Variants in ANK3 observed in about 807,000 individuals in gnomAD.
The protein encoded by ANK3 is ankyrin 3, also known as ankyrin-3.
In ANK3, 57 loss-of-function variants were observed where a neutral mutation model predicts 370.9. That is an observed-to-expected ratio of 0.15 (90% CI 0.12 to 0.19). The LOEUF (loss-of-function observed/expected upper bound fraction) is 0.19, where lower values mean the gene tolerates loss of function less well. Ranked by LOEUF, ANK3 falls within the 10% of genes least tolerant of loss-of-function variation. The pLI is 1.00. For missense variants in ANK3, 4,439 were observed against 5,302.1 expected (o/e 0.84, Z 5.06); for synonymous variants, 1,929 against 1,946.3 (o/e 0.99, Z 0.23).
At chr10:60,469,655 G>A (rs1388432863) in intron 2 of ANK3, among the ~76,000 whole-genome samples, 13 of 3,464 alleles carry the variant, frequency 3.8e-3, no homozygotes, top group East Asian at 0.026. Flanking sequence ...ATATATATAT[G>A]GTGGTATATA....
chr10:60,226,797 A>G (rs1170263348), intron 8 of ANK3, among the ~76,000 whole-genome samples: 1 of 147,450 alleles, frequency 6.8e-6, no homozygotes, highest in Non-Finnish European at 1.5e-5. Flanking sequence ...CACTTTATGT[A>G]TAACAAGAAT....
chr10:60,668,826 T>C (rs533760669), intron 1 of ANK3, among the ~76,000 whole-genome samples: 1 of 152,228 alleles, frequency 6.6e-6, no homozygotes, highest in African/African-American at 2.4e-5. Context: ...ACCTCATCTC[T>C]ACTAATAAAT....
At chr10:60,693,543 C>T (rs987850076) in intron 1 of ANK3, among the ~76,000 whole-genome samples, 10 of 152,244 alleles carry the variant, frequency 6.6e-5, no homozygotes, top group African/African-American at 2.2e-4. Flanking sequence ...CAGTATGCAG[C>T]TGGAGATCTG....
intron 2 of ANK3, among the ~76,000 whole-genome samples, chr10:60,588,405 G>A (rs1234702116): frequency 2.0e-5 from 3 of 151,356 alleles, no homozygotes; most frequent in African/African-American, 7.3e-5. Flanking sequence ...GGCTGGTCTC[G>A]AACTCCTGAC....
At chr10:60,294,342 C>T (rs1242591646) in intron 1 of ANK3, among the ~76,000 whole-genome samples, 2 of 152,050 alleles carry the variant, frequency 1.3e-5, no homozygotes, top group East Asian at 3.9e-4. Context: ...GGTTTAAAAG[C>T]CCAGAGGAGT....
chr10:60,267,660 A>G (rs1269917235), intron 5 of ANK3, among the ~76,000 whole-genome samples: 2 of 152,070 alleles, frequency 1.3e-5, no homozygotes, highest in Admixed American at 6.5e-5. Flanking sequence ...GAGCTCTGAG[A>G]GTTACTGGTA....
Position 60,733,247 on chromosome 10 carries a change from G to C in ANK3, c.57+16C>G, listed in dbSNP as rs1021074992. 3.2e-6 allele frequency: 4 copies of C among 1,240,724 alleles called. No individual in the cohort carries two copies. In the East Asian group the frequency reaches 1.3e-4, roughly 39 times the overall value. 76.9% of individuals were successfully genotyped at this position (1,240,724 alleles called of 1,614,324 possible). On this transcript the variant is annotated intron_variant, in intron 1 of 43. Coordinates refer to the ANK3 transcript ENST00000373827. ...GGTGAAGGCAGCCGCAGGTAGGGGGGCGGCGCGGCGCTCACCTGGGCAGGA... is the reference window on the plus strand; with the variant it reads ...GGTGAAGGCAGCCGCAGGTAGGGGGCCGGCGCGGCGCTCACCTGGGCAGGA...
intron 23 of ANK3, among the ~76,000 whole-genome samples, chr10:60,147,179 G>A (rs143850730): frequency 6.6e-6 from 1 of 152,274 alleles, no homozygotes; most frequent in East Asian, 1.9e-4. Context: ...CCTGCATGTA[G>A]CCCAGGAACT....
chr10:60,187,782 G>T (rs551498732), intron 16 of ANK3, among the ~76,000 whole-genome samples: 1 of 152,134 alleles, frequency 6.6e-6, no homozygotes, highest in South Asian at 2.1e-4. Flanking sequence ...CTTCATGCTG[G>T]TCTGTCATCC....
chr10:60,414,768 G>C (rs1298572973), intron 2 of ANK3, among the ~76,000 whole-genome samples: 1 of 152,154 alleles, frequency 6.6e-6, no homozygotes, highest in Non-Finnish European at 1.5e-5. Flanking sequence ...TAAAAAGTTG[G>C]TGGCAGCTAC....
At chr10:60,298,369 A>G (rs1236888847) in intron 1 of ANK3, among the ~76,000 whole-genome samples, 2 of 152,220 alleles carry the variant, frequency 1.3e-5, no homozygotes, top group African/African-American at 2.4e-5. Context: ...ATTATCTACT[A>G]TACCCTCTTT....
chr10:60,276,622 G>A (rs771956514), intron 4 of ANK3, among the ~76,000 whole-genome samples: 15 of 152,166 alleles, frequency 9.9e-5, no homozygotes, highest in Non-Finnish European at 1.5e-4. Context: ...TGTGGAATGC[G>A]TATAAATTGA....
At chr10:60,345,058 A>G (rs2055124295) in intron 1 of ANK3, among the ~76,000 whole-genome samples, 1 of 149,308 alleles carries the variant, frequency 6.7e-6, no homozygotes, top group African/African-American at 2.5e-5. Context: ...TTGCTGCATA[A>G]AGCTCAAAAT....
rs1198867491 is a variant in ANK3, at chr10:60,200,196, C to T, written c.1424G>A (p.Arg475His). The T allele has an allele frequency of 2.5e-6, 4 of 1,614,092 alleles. No individual in the cohort carries two copies. Among genetic ancestry groups the T allele is most frequent in the Non-Finnish European group, 3.4e-6 (4 of 1,180,018 alleles). Residue 475 changes from arginine to histidine, a missense_variant, in exon 13 of 44, where the codon CGC becomes CAC. This residue lies in a region of ANK3 where 227 missense variants were observed against 377.6 expected (regional missense o/e 0.60). Transcript: ENST00000280772. ...CCGCACAACTTCAGCTTGGCCGGAG[C>T]GAGCTGCCATGTGCAGTGCTGTTTC... ...RGETALHMAA[R>H]SGQAEVVRYL...
chr10:60,311,474 CA>C (rs57897005), intron 1 of ANK3, among the ~76,000 whole-genome samples: 11,479 of 125,160 alleles, frequency 0.092, 402 homozygotes, highest in Non-Finnish European at 0.13. Flanking sequence ...ATATGGAAGC[CA>C]AAAAAAAAAA....
chr10:60,388,243 A>C (rs945862422), intron 1 of ANK3, among the ~76,000 whole-genome samples: 1 of 152,232 alleles, frequency 6.6e-6, no homozygotes, highest in African/African-American at 2.4e-5. Context: ...CTTGCAGTGA[A>C]ACAACTGCAG....
At position 60,172,372 on chromosome 10, in the gene ANK3, C is replaced by T. The variant is rs1460956964; in HGVS notation, c.2414G>A (p.Arg805His). ...NGNTALGIARRLGYISVVDTL... is the reference protein window; with the variant it reads ...NGNTALGIARHLGYISVVDTL... ...GTCCACTACTGAGATGTAGCCGAGG[C>T]GCCGGGCAATGCCAAGGGCAGTATT... The change falls in exon 21 of 44, where the codon CGC (arginine) becomes CAC (histidine). Residue 805 changes from arginine to histidine, a missense_variant. Arg to His is a conservative substitution (Grantham distance 29). This residue lies in a region of ANK3 where 702 missense variants were observed against 941.5 expected (regional missense o/e 0.75). Coordinates refer to ENST00000280772, the MANE Select transcript of ANK3 (RefSeq NM_020987.5). The T allele has an allele frequency of 2.5e-5, 40 of 1,613,992 alleles. No homozygotes were observed. The Admixed American group carries it at 3.7e-4, about 15-fold the overall frequency.
rs752834101 is a variant in ANK3, at chr10:60,075,716, G to A, written c.5165C>T (p.Pro1722Leu). The change falls in exon 37 of 44, where the codon CCT (proline) becomes CTT (leucine). Residue 1722 changes from proline (P) to leucine (L), a missense_variant. Transcript: ENST00000280772. ...AGTTGAGGATGATGGATATTTTAGAGGGGAAATAGATCCATTGACTAATGC... is the reference window on the plus strand; with the variant it reads ...AGTTGAGGATGATGGATATTTTAGAAGGGAAATAGATCCATTGACTAATGC... ...EVALVNGSIS[P>L]LKYPSSSTLI... 2.5e-6 allele frequency: 4 copies of A among 1,614,072 alleles called. No homozygotes were observed. The highest frequency in any genetic ancestry group is 2.7e-5 in the African/African-American group (2 of 75,034).
chr10:60,151,842 T>A (rs1397708966), intron 23 of ANK3, among the ~76,000 whole-genome samples: 1 of 152,186 alleles, frequency 6.6e-6, no homozygotes, highest in East Asian at 1.9e-4. Flanking sequence ...CCAGCACTGA[T>A]GTTGTGTGAC....
Sources: allele counts gnomAD v4.1 joint callset (sites outside exome capture counted in the v4.1 genomes callset), GRCh38; gene constraint gnomAD v4.1.1; regional missense constraint gnomAD v4.1.1; transcripts MANE v1.5; gene names NCBI Gene and HGNC (gene_info 2026-07-23, HGNC 2026-07-21).